Variants in DYNC2I1 observed in about 807,000 individuals in gnomAD.
The protein encoded by DYNC2I1 is cytoplasmic dynein 2 intermediate chain 1.
A neutral mutation model predicts 133.4 loss-of-function variants in DYNC2I1; 89 were observed. The observed-to-expected ratio is 0.67, with a 90% CI of 0.56 to 0.80. DYNC2I1 has a LOEUF of 0.80. Ranked by LOEUF, DYNC2I1 falls within the 30% of genes least tolerant of loss-of-function variation. The pLI, the probability that DYNC2I1 is intolerant of heterozygous loss-of-function variation, is 0.00. For synonymous variants in DYNC2I1, 504 were observed against 484.3 expected (o/e 1.04, Z -0.54); for missense variants, 1,291 against 1,314.5 (o/e 0.98, Z 0.28).
chr7:158,917,178 C>G lies in DYNC2I1; in HGVS notation c.1792-1562C>G, dbSNP rs1172557734. On this transcript the variant is annotated intron_variant, in intron 14 of 24. Transcript: ENST00000407559. Reference sequence around the variant, plus strand: ...TTGTGAAATGTTGACACGTGGTTGACATTAAGGATGATTGTGAAACGTCGA... The same window carrying G: ...TTGTGAAATGTTGACACGTGGTTGAGATTAAGGATGATTGTGAAACGTCGA... 2.4e-4 allele frequency among the ~76,000 whole-genome samples: 31 copies of G among 131,034 alleles called. 2 individuals are homozygous for G. The highest frequency in any genetic ancestry group is 6.6e-4 in the African/African-American group (22 of 33,468). The allele number at this position is 131,034 out of a possible 152,430, so 86.0% of individuals were successfully genotyped here. A position where few individuals can be genotyped will look rare whatever the true frequency, so the allele number is the denominator to read the frequency against.
Position 158,879,950 on chromosome 7 carries a change from GA to G in DYNC2I1, c.843del (p.Lys281AsnfsTer37). ...ACCAAAGCAACGTGGATAGAAAAGA[GA>G]AATCGGCAAAAGATGAGCCCAGGAA... ...RHQSNVDRKE[K>X]SAKDEPRKRE... On this transcript the variant is annotated frameshift_variant, in exon 5 of 25. Coordinates refer to ENST00000407559, the MANE Select transcript of DYNC2I1 (RefSeq NM_018051.5). LOFTEE classifies it high-confidence loss of function. 1 of 1,603,284 alleles carries G rather than the reference GA, an allele frequency of 6.2e-7. No individual in the cohort carries two copies. The highest frequency in any genetic ancestry group is 8.5e-7 in the Non-Finnish European group (1 of 1,177,194).
rs1000061929 is a variant in DYNC2I1, at chr7:158,905,978, C to T, written c.1358-11C>T. 6.2e-7 allele frequency: 1 copy of T among 1,607,918 alleles called. No homozygotes were observed. Among genetic ancestry groups the T allele is most frequent in the South Asian group, 1.1e-5 (1 of 89,650 alleles). Reference sequence around the variant, plus strand: ...CGTGTTGGAAAAATAGTGTTTTTCTCCCTCACACAGATACAAACAGTTCCC... The same window carrying T: ...CGTGTTGGAAAAATAGTGTTTTTCTTCCTCACACAGATACAAACAGTTCCC... On this transcript the variant is annotated splice_polypyrimidine_tract_variant and intron_variant, in intron 10 of 24. Coordinates refer to ENST00000407559, the MANE Select transcript of DYNC2I1 (RefSeq NM_018051.5).
downstream of DYNC2I1, among the ~76,000 whole-genome samples, chr7:158,949,536 A>G (rs546810284): frequency 6.6e-6 from 1 of 152,320 alleles, no homozygotes; most frequent in South Asian, 2.1e-4. Context: ...TGAGGGCCCC[A>G]TGACAGCAGA....
chr7:158,900,731 G>GTTTTTTT (rs35689002), intron 8 of DYNC2I1, among the ~76,000 whole-genome samples: 4 of 105,726 alleles, frequency 3.8e-5, no homozygotes, highest in East Asian at 2.9e-4. Flanking sequence ...ATTTTGTTCT[G>GTTTTTTT]TTTTTTTTTT....
chr7:158,880,070 C>T (rs1445208707), intron 5 of DYNC2I1, 81 bp downstream of exon 5: 1 of 1,488,390 alleles, frequency 6.7e-7, no homozygotes, highest in African/African-American at 1.4e-5. Context: ...GCGGTGTCGC[C>T]AGACAAGGTT....
At chr7:158,850,048 G>A in the DYNC2I1 span, among the ~76,000 whole-genome samples, 13 of 152,356 alleles carry the variant, frequency 8.5e-5, no homozygotes, top group Non-Finnish European at 1.8e-4. Context: ...CTCAGAGATT[G>A]GAGCAGGCGC....
chr7:158,933,981 A>G, intron 21 of DYNC2I1, 148 bp from the exon 22 acceptor site: 1 of 607,206 alleles, frequency 1.6e-6, no homozygotes, highest in Non-Finnish European at 2.8e-6. Context: ...AGCAGAAGAA[A>G]ATAGAAACAG....
At chr7:158,865,032 G>A (rs1842279488) in intron 1 of DYNC2I1, among the ~76,000 whole-genome samples, 1 of 152,190 alleles carries the variant, frequency 6.6e-6, no homozygotes, top group Non-Finnish European at 1.5e-5. Flanking sequence ...AGGTCCAGGG[G>A]CTTCTGCTGT....
At chr7:158,853,605 A>G (rs1841101976), upstream of DYNC2I1, among the ~76,000 whole-genome samples, 1 of 151,766 alleles carries the variant, frequency 6.6e-6, no homozygotes, top group Admixed American at 6.6e-5. Flanking sequence ...GGAAATTGCA[A>G]TAGAGAAAGA....
rs1842845820 is a variant in DYNC2I1, at chr7:158,871,247, G to C, written c.175G>C (p.Asp59His). ...LPEHKEPRCRDPDQDARSRDR... is the reference protein window; with the variant it reads ...LPEHKEPRCRHPDQDARSRDR... ...TGAACATAAGGAGCCGAGGTGCAGG[G>C]ATCCCGACCAGGATGCCAGGAGCAG... The change falls in exon 3 of 25, where the codon GAT (aspartate) becomes CAT (histidine). Residue 59 changes from aspartate (D) to histidine (H), a missense_variant. Transcript: ENST00000407559. The C allele has an allele frequency of 6.2e-7, 1 of 1,610,896 alleles. No individual in the cohort carries two copies. The highest frequency in any genetic ancestry group is 8.5e-7 in the Non-Finnish European group (1 of 1,178,436).
chr7:158,923,433 C>T lies in DYNC2I1; in HGVS notation c.2095-138C>T, dbSNP rs548951088. The T allele has an allele frequency of 1.0e-4, 114 of 1,138,786 alleles. No individual in the cohort carries two copies. In the African/African-American group the frequency reaches 1.1e-3, roughly 11 times the overall value. The allele number at this position is 1,138,786 out of a possible 1,614,324, so 70.5% of individuals were successfully genotyped here. A position where few individuals can be genotyped will look rare whatever the true frequency, so the allele number is the denominator to read the frequency against. On this transcript the variant is annotated intron_variant, in intron 16 of 24. Coordinates refer to ENST00000407559, the MANE Select transcript of DYNC2I1 (RefSeq NM_018051.5). Reference sequence around the variant, plus strand: ...CCTTTTATTTCTGTGCAGGAGTCTACGTTCTGCTTACTGGGCCCTGCAGGT... The same window carrying T: ...CCTTTTATTTCTGTGCAGGAGTCTATGTTCTGCTTACTGGGCCCTGCAGGT...
chr7:158,901,731 A>C lies in DYNC2I1; in HGVS notation c.1060-8A>C, dbSNP rs1223602799. The C allele has an allele frequency of 1.3e-6, 2 of 1,557,962 alleles. No individual in the cohort carries two copies. The highest frequency in any genetic ancestry group is 2.4e-5 in the South Asian group (2 of 81,648). ...TTTTTTGGTTTTGTGTTTGATTTTTACCTCTAGGAAATTGAAAAGGAAGAA... is the reference window on the plus strand; with the variant it reads ...TTTTTTGGTTTTGTGTTTGATTTTTCCCTCTAGGAAATTGAAAAGGAAGAA... On this transcript the variant is annotated splice_region_variant and splice_polypyrimidine_tract_variant and intron_variant, in intron 8 of 24. Transcript: ENST00000407559.
Position 158,913,833 on chromosome 7 carries a change from C to G in DYNC2I1, c.1703-400C>G, listed in dbSNP as rs376566135. On this transcript the variant is annotated intron_variant, in intron 13 of 24. Coordinates refer to ENST00000407559, the MANE Select transcript of DYNC2I1 (RefSeq NM_018051.5). ...AAGTGATTCTCCTGCCTCAGCCTCC[C>G]GAGTAGCTGGGACTACAAGCGCCTG... 4.3e-4 allele frequency among the ~76,000 whole-genome samples: 66 copies of G among 152,250 alleles called. No homozygotes were observed. The East Asian group carries it at 0.011, about 25-fold the overall frequency.
At chr7:158,957,818 TAC>T (rs1427098337), downstream of DYNC2I1, among the ~76,000 whole-genome samples, 1 of 152,124 alleles carries the variant, frequency 6.6e-6, no homozygotes, top group East Asian at 1.9e-4. Flanking sequence ...TGTCACTTTT[TAC>T]ACAAGGGCTG....
rs975652652 is a variant in DYNC2I1 at position 158,911,017 on chromosome 7, G to A, written c.1461-533G>A. ...AATGGCTGTTTCAGGCCCGTGGGCC[G>A]AGGGCGATTGGCTGTGTCAGGCCTG... On this transcript the variant is annotated intron_variant, in intron 11 of 24. Transcript: ENST00000407559. Among the ~76,000 whole-genome samples, 5 of 150,202 alleles carry A rather than the reference G, an allele frequency of 3.3e-5. No individual in the cohort carries two copies. In the East Asian group the frequency reaches 7.8e-4, roughly 23 times the overall value.
chr7:158,892,938 C>CA (rs35161914), intron 8 of DYNC2I1, among the ~76,000 whole-genome samples: 11,374 of 105,610 alleles, frequency 0.11, 591 homozygotes, highest in Non-Finnish European at 0.14. Flanking sequence ...AACTCCATCT[C>CA]AAAAAAAAAA....
chr7:158,922,357 C>T lies in DYNC2I1; in HGVS notation c.1922-20C>T. 6.2e-7 allele frequency: 1 copy of T among 1,604,818 alleles called. No individual in the cohort carries two copies. Among genetic ancestry groups the T allele is most frequent in the Non-Finnish European group, 8.5e-7 (1 of 1,175,034 alleles). On this transcript the variant is annotated intron_variant, in intron 15 of 24. Coordinates refer to ENST00000407559, the MANE Select transcript of DYNC2I1 (RefSeq NM_018051.5). ...TTCTGGCAGGTCGTTGAAATGTGAA[C>T]ATATTTTTCTTCTCCCTAGATCGAA...
chr7:158,869,975 A>G (rs374989078), intron 2 of DYNC2I1, 67 bp downstream of exon 2: 22 of 1,378,632 alleles, frequency 1.6e-5, no homozygotes, highest in Admixed American at 1.1e-4. Context: ...GACCTGCTTT[A>G]CCTGGTACAC....
In DYNC2I1 at chr7:158,924,328, A is replaced by C. The variant is rs1849397789; in HGVS notation, c.2257+595A>C. 2.6e-5 allele frequency among the ~76,000 whole-genome samples: 4 copies of C among 152,256 alleles called. No homozygotes were observed. In the South Asian group the frequency reaches 8.3e-4, roughly 31 times the overall value. ...ACGCTGACGACATGGTCGGGCCTGC[A>C]CTGGGACCCCATGCCACGCCCTGCA... On this transcript the variant is annotated intron_variant, in intron 17 of 24. Coordinates refer to ENST00000407559, the MANE Select transcript of DYNC2I1 (RefSeq NM_018051.5).
Sources: gnomAD v4.1 joint callset for allele counts (sites outside exome capture counted in the v4.1 genomes callset) on GRCh38, gnomAD v4.1.1 for gene constraint, MANE v1.5 for transcripts, NCBI Gene and HGNC (gene_info 2026-07-23, HGNC 2026-07-21) for gene names.